The following NLGN1 variants were observed in gnomAD, a reference collection of about 807,000 sequenced individuals.
NLGN1 encodes the protein neuroligin 1.
NLGN1 carries 12 observed loss-of-function variants against 65.5 expected under a neutral mutation model. The ratio of observed to expected loss-of-function variants is 0.18; its 90% CI spans 0.12 to 0.30. The LOEUF is 0.30. Ranked by LOEUF, NLGN1 falls within the 10% of genes least tolerant of loss-of-function variation. The pLI is 1.00. For missense variants in NLGN1, 750 were observed against 1,007.1 expected (o/e 0.74, Z 3.46); for synonymous variants, 350 against 359.5 (o/e 0.97, Z 0.30).
chr3:173,810,564 G>A (rs1195264579), intron 4 of NLGN1, among the ~76,000 whole-genome samples: 5 of 152,234 alleles, frequency 3.3e-5, no homozygotes, highest in African/African-American at 1.2e-4. Context: ...TCTGGAACAG[G>A]TAGTGCAATC....
chr3:174,175,803 T>C (rs997829416), intron 4 of NLGN1, among the ~76,000 whole-genome samples: 7 of 151,958 alleles, frequency 4.6e-5, no homozygotes, highest in African/African-American at 1.7e-4. Flanking sequence ...TCCTGGTATT[T>C]AGTTAAGAGC....
At chr3:173,976,825 C>T (rs1314727366) in intron 4 of NLGN1, among the ~76,000 whole-genome samples, 1 of 152,028 alleles carries the variant, frequency 6.6e-6, no homozygotes, top group South Asian at 2.1e-4. Context: ...ACTTTCTAAC[C>T]TCTTAATAAT....
At chr3:173,577,740 C>T (rs1745734576) in intron 2 of NLGN1, among the ~76,000 whole-genome samples, 1 of 152,052 alleles carries the variant, frequency 6.6e-6, no homozygotes, top group Non-Finnish European at 1.5e-5. Context: ...AACTCTAAAA[C>T]CAAACACACA....
chr3:173,977,083 G>A (rs1717630527), intron 4 of NLGN1, among the ~76,000 whole-genome samples: 1 of 148,090 alleles, frequency 6.8e-6, no homozygotes, highest in Non-Finnish European at 1.5e-5. Flanking sequence ...CTGAAGTGGA[G>A]GAAAAAGATA....
intron 4 of NLGN1, among the ~76,000 whole-genome samples, chr3:174,099,104 A>G (rs1711796735): frequency 1.3e-5 from 2 of 152,330 alleles, no homozygotes; most frequent in Middle Eastern, 3.4e-3. Context: ...TTTAACAACA[A>G]ATGTATAAAT....
At chr3:173,766,902 G>T (rs1778862806) in intron 3 of NLGN1, among the ~76,000 whole-genome samples, 2 of 152,094 alleles carry the variant, frequency 1.3e-5, no homozygotes, top group East Asian at 1.9e-4. Flanking sequence ...TATGCAAAAT[G>T]ATTATTACAA....
chr3:173,480,691 G>A (rs1404514387), intron 2 of NLGN1, among the ~76,000 whole-genome samples: 1 of 152,064 alleles, frequency 6.6e-6, no homozygotes, highest in Non-Finnish European at 1.5e-5. Flanking sequence ...TCAACTAGGT[G>A]ATAGCTTTAG....
At chr3:173,830,019 G>GGGTT (rs58524463) in intron 4 of NLGN1, among the ~76,000 whole-genome samples, 1 of 140,982 alleles carries the variant, frequency 7.1e-6, no homozygotes, top group Admixed American at 6.9e-5. Flanking sequence ...GGGGGGGGAG[G>GGGTT]GAGAGAATAA....
intron 2 of NLGN1, among the ~76,000 whole-genome samples, chr3:173,486,805 A>T (rs1472528935): frequency 2.0e-5 from 3 of 152,154 alleles, no homozygotes; most frequent in Non-Finnish European, 2.9e-5. Flanking sequence ...ACTAATATGT[A>T]TGTTTCACTA....
rs536207409 is a variant in NLGN1 at position 174,074,884 on chromosome 3, T to C, written c.647-200431T>C. Among the ~76,000 whole-genome samples the C allele has an allele frequency of 1.6e-3, 238 of 152,328 alleles. 3 individuals are homozygous for C. Among genetic ancestry groups the C allele is most frequent in the South Asian group, 7.0e-3 (34 of 4,830 alleles). ...GCTGGCCACAACTACCACTGAGCCGTGGGCTTCTTAGTCTTAGGGTTCTAC... is the reference window on the plus strand; with the variant it reads ...GCTGGCCACAACTACCACTGAGCCGCGGGCTTCTTAGTCTTAGGGTTCTAC... On this transcript the variant is annotated intron_variant, in intron 4 of 6. Coordinates refer to ENST00000457714, the Ensembl canonical transcript of NLGN1.
chr3:174,032,335 C>T (rs2152474885), intron 4 of NLGN1, among the ~76,000 whole-genome samples: 1 of 152,196 alleles, frequency 6.6e-6, no homozygotes, highest in South Asian at 2.1e-4. Context: ...AATACTAGAC[C>T]ACACACTGAA....
intron 4 of NLGN1, among the ~76,000 whole-genome samples, chr3:173,954,389 T>G (rs1008974525): frequency 6.6e-6 from 1 of 151,894 alleles, no homozygotes; most frequent in African/African-American, 2.4e-5. Context: ...ATTATTATTA[T>G]TATCATTATC....
chr3:174,065,355 G>T (rs1738292490), intron 4 of NLGN1, among the ~76,000 whole-genome samples: 1 of 152,016 alleles, frequency 6.6e-6, no homozygotes, highest in African/African-American at 2.4e-5. Flanking sequence ...GAGGATGTAT[G>T]TATAATTTAT....
chr3:174,188,943 CATTGT>C (rs1731893942), intron 4 of NLGN1, among the ~76,000 whole-genome samples: 1 of 151,874 alleles, frequency 6.6e-6, no homozygotes, highest in Admixed American at 6.6e-5. Context: ...GGAAAAAAAT[CATTGT>C]ATTTAGAGTA....
intron 4 of NLGN1, among the ~76,000 whole-genome samples, chr3:174,140,903 T>C (rs7630217): frequency 0.21 from 31,891 of 152,072 alleles, 6,151 homozygotes; most frequent in African/African-American, 0.51. Flanking sequence ...ATTATATTAG[T>C]TAATGACTCA....
At chr3:173,679,544 C>T (rs1171396191) in intron 3 of NLGN1, among the ~76,000 whole-genome samples, 1 of 152,004 alleles carries the variant, frequency 6.6e-6, no homozygotes, top group African/African-American at 2.4e-5. Flanking sequence ...TGCTGAATAC[C>T]ATTTCATGAG....
At chr3:173,977,068 G>C (rs1268300718) in intron 4 of NLGN1, among the ~76,000 whole-genome samples, 1 of 151,240 alleles carries the variant, frequency 6.6e-6, no homozygotes, top group African/African-American at 2.4e-5. Flanking sequence ...CTTTTATAAA[G>C]ACTACTGAAG....
At chr3:173,622,527 T>TA (rs1476886452) in intron 3 of NLGN1, among the ~76,000 whole-genome samples, 1 of 151,784 alleles carries the variant, frequency 6.6e-6, no homozygotes, top group Non-Finnish European at 1.5e-5. Flanking sequence ...ATGCCCAAAT[T>TA]GCTTTCCGAT....
intron 3 of NLGN1, among the ~76,000 whole-genome samples, chr3:173,753,046 C>T (rs1206279293): frequency 1.3e-5 from 2 of 152,060 alleles, no homozygotes; most frequent in Non-Finnish European, 2.9e-5. Context: ...ATTCTACCCA[C>T]CCGTCTTTTC....
Sources: gnomAD v4.1 joint callset for allele counts (sites outside exome capture counted in the v4.1 genomes callset) on GRCh38, gnomAD v4.1.1 for gene constraint, MANE v1.5 for transcripts, NCBI Gene and HGNC (gene_info 2026-07-23, HGNC 2026-07-21) for gene names.